The following CUX2 variants were observed in gnomAD, a reference collection of about 807,000 sequenced individuals.
The protein encoded by CUX2 is cut like homeobox 2, also known as homeobox protein cut-like 2.
Under a neutral mutation model 144.8 loss-of-function variants are expected in CUX2, and 40 were observed. The observed-to-expected ratio is 0.28, with a 90% CI of 0.21 to 0.36. The LOEUF is 0.36. Among genes scored for constraint, CUX2 ranks in the 10% least tolerant of loss-of-function variants. CUX2 has a pLI of 1.00. For synonymous variants in CUX2, 827 were observed against 875.6 expected (o/e 0.94, Z 0.98); for missense variants, 1,615 against 1,994.0 (o/e 0.81, Z 3.62).
At chr12:111,327,014 A>T (rs914810940) in intron 18 of CUX2, among the ~76,000 whole-genome samples, 3 of 152,100 alleles carry the variant, frequency 2.0e-5, no homozygotes, top group African/African-American at 7.2e-5. Flanking sequence ...TGTGACCATC[A>T]CCTCTGTCTA....
intron 1 of CUX2, among the ~76,000 whole-genome samples, chr12:111,143,120 A>G (rs747388849): frequency 1.3e-4 from 20 of 152,080 alleles, no homozygotes; most frequent in African/African-American, 4.8e-5. Flanking sequence ...TGCCATTGCT[A>G]CTGAGACTTG....
At chr12:111,054,730 G>A (rs1870437817) in intron 1 of CUX2, among the ~76,000 whole-genome samples, 1 of 152,128 alleles carries the variant, frequency 6.6e-6, no homozygotes, top group Non-Finnish European at 1.5e-5. Context: ...GGGTTCAAGA[G>A]ATTCTCTCAC....
intron 1 of CUX2, among the ~76,000 whole-genome samples, chr12:111,187,728 G>A (rs1879636455): frequency 6.6e-6 from 1 of 152,198 alleles, no homozygotes; most frequent in African/African-American, 2.4e-5. Flanking sequence ...GCTCCAGCCT[G>A]GGGTTTCTGT....
At chr12:111,141,646 C>A (rs1411180815) in intron 1 of CUX2, among the ~76,000 whole-genome samples, 1 of 152,134 alleles carries the variant, frequency 6.6e-6, no homozygotes, top group Non-Finnish European at 1.5e-5. Flanking sequence ...GACATAAACC[C>A]AACTCTGGGC....
chr12:111,111,537 G>T (rs1873958384), intron 1 of CUX2, among the ~76,000 whole-genome samples: 1 of 152,216 alleles, frequency 6.6e-6, no homozygotes, highest in Admixed American at 6.5e-5. Flanking sequence ...GCCATCAGAT[G>T]TCAAACTTCT....
intron 16 of CUX2, among the ~76,000 whole-genome samples, chr12:111,318,854 T>C (rs972843710): frequency 1.3e-5 from 2 of 151,796 alleles, no homozygotes; most frequent in Non-Finnish European, 2.9e-5. Flanking sequence ...TTGCAGAGAC[T>C]GAGTTTTGCC....
At chr12:111,091,505 A>T (rs2136055016) in intron 1 of CUX2, among the ~76,000 whole-genome samples, 1 of 152,260 alleles carries the variant, frequency 6.6e-6, no homozygotes, top group South Asian at 2.1e-4. Context: ...TGCCCAACTG[A>T]TGGGGCCCAC....
intron 1 of CUX2, among the ~76,000 whole-genome samples, chr12:111,087,482 G>A (rs986682575): frequency 5.3e-5 from 8 of 150,846 alleles, no homozygotes; most frequent in African/African-American, 1.9e-4. Context: ...TGCAATGCAT[G>A]TTTTACTAGC....
At chr12:111,099,412 T>C (rs546833395) in intron 1 of CUX2, 1 of 384,794 alleles carries the variant, frequency 2.6e-6, no homozygotes, top group South Asian at 1.9e-5. Context: ...TAAACCGTTA[T>C]GTGGTTTCTC....
intron 1 of CUX2, among the ~76,000 whole-genome samples, chr12:111,052,105 G>A (rs1377186510): frequency 2.0e-5 from 3 of 151,650 alleles, no homozygotes; most frequent in African/African-American, 7.3e-5. Flanking sequence ...TTGTTTCCCC[G>A]GCACCATAGC....
chr12:111,255,608 C>T lies in CUX2; in HGVS notation c.223-8153C>T, dbSNP rs1157368346. On this transcript the variant is annotated intron_variant, in intron 3 of 21. Transcript: ENST00000261726. This position sits in a 1 kb window ranked among gnomAD's most constrained non-coding sequence, Gnocchi z 4.1. The stretch of plus-strand genomic sequence containing the variant: ...GCATGGGCTTTGCTGTCAGACTAAG[C>T]TGCCTCTGAGTCTCAGCTCCCAGCA... 6.6e-6 allele frequency among the ~76,000 whole-genome samples: 1 copy of T among 152,234 alleles called. No individual in the cohort carries two copies. Among genetic ancestry groups the T allele is most frequent in the African/African-American group, 2.4e-5 (1 of 41,460 alleles).
At chr12:111,135,301 T>G (rs1875800851) in intron 1 of CUX2, among the ~76,000 whole-genome samples, 1 of 152,168 alleles carries the variant, frequency 6.6e-6, no homozygotes, top group Non-Finnish European at 1.5e-5. Flanking sequence ...CAGTGACATT[T>G]GCACCTTTGA....
chr12:111,291,156 C>T lies in CUX2; in HGVS notation c.302-262C>T, dbSNP rs997645418. Among the ~76,000 whole-genome samples the T allele has an allele frequency of 5.3e-5, 8 of 152,328 alleles. No individual in the cohort carries two copies. The South Asian group carries it at 1.7e-3, about 32-fold the overall frequency. The stretch of plus-strand genomic sequence containing the variant: ...CTGGGATTACAGGCATGAGCCACCG[C>T]ACCCGGCCTGGCCAACTATTATTAT... On this transcript the variant is annotated intron_variant, in intron 4 of 21. Coordinates refer to ENST00000261726, the MANE Select transcript of CUX2 (RefSeq NM_015267.4).
chr12:111,287,095 T>C lies in CUX2; in HGVS notation c.302-4323T>C, dbSNP rs1885423966. Among the ~76,000 whole-genome samples, 1 of 152,110 alleles carries C rather than the reference T, an allele frequency of 6.6e-6. No homozygotes were observed. Among genetic ancestry groups the C allele is most frequent in the Admixed American group, 6.5e-5 (1 of 15,274 alleles). On this transcript the variant is annotated intron_variant, in intron 4 of 21. Transcript: ENST00000261726. The surrounding 1 kb of genome is among the most constrained non-coding windows in gnomAD (Gnocchi z 4.2). ...CAGCCAGCCCCTGTTCCCACCAGCC[T>C]CTCTGGGGAGCCACCTGAGGCCAGC...
At chr12:111,133,322 C>G (rs191416547) in intron 1 of CUX2, among the ~76,000 whole-genome samples, 1 of 152,086 alleles carries the variant, frequency 6.6e-6, no homozygotes, top group African/African-American at 2.4e-5. Context: ...TTCACGCTGC[C>G]GATAAAGATG....
At chr12:111,230,907 T>C (rs1882433060) in intron 3 of CUX2, among the ~76,000 whole-genome samples, 1 of 152,138 alleles carries the variant, frequency 6.6e-6, no homozygotes, top group Non-Finnish European at 1.5e-5. Flanking sequence ...CAGAACATTA[T>C]AGAGTGTTTC....
At chr12:111,328,252 A>G (rs1481574490) in intron 18 of CUX2, among the ~76,000 whole-genome samples, 2 of 152,120 alleles carry the variant, frequency 1.3e-5, no homozygotes, top group African/African-American at 4.8e-5. Context: ...GCTGGGTGTC[A>G]GGACCTGTCC....
In CUX2 at chr12:111,129,137, G is replaced by A. The variant is rs561735611; in HGVS notation, c.64-85063G>A. On this transcript the variant is annotated intron_variant, in intron 1 of 21. Coordinates refer to ENST00000261726, the MANE Select transcript of CUX2 (RefSeq NM_015267.4). ...GTGGAGCCCTAGATATTTCACTGAG[G>A]TGGAAGGCAGCTGAATTTTTGTTAG... Among the ~76,000 whole-genome samples, 5 of 152,340 alleles carry A rather than the reference G, an allele frequency of 3.3e-5. No homozygotes were observed. In the South Asian group the frequency reaches 6.2e-4, roughly 19 times the overall value.
chr12:111,034,712 GGGA>G lies in CUX2; in HGVS notation c.63+486_63+488del, dbSNP rs1385155144. On this transcript the variant is annotated intron_variant, in intron 1 of 21. Transcript: ENST00000261726. The surrounding 1 kb of genome is among the most constrained non-coding windows in gnomAD (Gnocchi z 4.2). ...GAGGGAGGGAGGGAGCTGGCGGGCA[GGGA>G]GGAGGAGGAGGAGAGGAGGAGGAGG... Among the ~76,000 whole-genome samples, 1 of 151,556 alleles carries G rather than the reference GGGA, an allele frequency of 6.6e-6. No homozygotes were observed.
Sources: allele counts gnomAD v4.1 joint callset (sites outside exome capture counted in the v4.1 genomes callset), GRCh38; gene constraint gnomAD v4.1.1; non-coding constraint Gnocchi (gnomAD v3.1); transcripts MANE v1.5; gene names NCBI Gene and HGNC (gene_info 2026-07-23, HGNC 2026-07-21).